PAXIP1: variants seen among roughly 807,000 people sequenced by gnomAD.
The protein encoded by PAXIP1 is PAX interacting protein 1.
PAXIP1 carries 19 observed loss-of-function variants against 140.6 expected under a neutral mutation model. The ratio of observed to expected loss-of-function variants is 0.14; its 90% CI spans 0.09 to 0.20. PAXIP1 has a LOEUF of 0.20. PAXIP1 is among the 10% of genes least tolerant of loss of function. PAXIP1 has a pLI of 1.00. For missense variants in PAXIP1, 920 were observed against 1,208.6 expected, an observed-to-expected ratio of 0.76 and a Z score of 3.54; for synonymous variants, 442 against 444.6, an observed-to-expected ratio of 0.99 and a Z score of 0.07.
chr7:154,996,287 C>G (rs1810606135), intron 2 of PAXIP1, among the ~76,000 whole-genome samples: 1 of 152,210 alleles, frequency 6.6e-6, no homozygotes, highest in Admixed American at 6.5e-5. Context: ...ACAATAGTCC[C>G]TGGACAATAC....
intron 6 of PAXIP1, 135 bp from the exon 7 acceptor site, chr7:154,969,261 C>T (rs1809184656): frequency 1.1e-6 from 1 of 915,106 alleles, no homozygotes; most frequent in South Asian, 2.5e-5. Context: ...TGATTGGAAA[C>T]TGCAAAAACA....
At chr7:154,995,060 G>A (rs916238410) in intron 2 of PAXIP1, among the ~76,000 whole-genome samples, 1 of 152,130 alleles carries the variant, frequency 6.6e-6, no homozygotes, top group Non-Finnish European at 1.5e-5. Flanking sequence ...GCAACACCCA[G>A]AAACCCCTCT....
rs1269627921 is a variant in PAXIP1, at chr7:154,986,554, T to G, written c.325-3222A>C. Among the ~76,000 whole-genome samples, 3 of 152,214 alleles carry G rather than the reference T, an allele frequency of 2.0e-5. No homozygotes were observed. The highest frequency in any genetic ancestry group is 7.2e-5 in the African/African-American group (3 of 41,450). ...AAGGATTTGTTGGACCAAAGTCCCTTAGCTGCACACTGTACATATGTTGTT... is the reference window on the plus strand; with the variant it reads ...AAGGATTTGTTGGACCAAAGTCCCTGAGCTGCACACTGTACATATGTTGTT... On this transcript the variant is annotated intron_variant, in intron 4 of 20. Transcript: ENST00000404141. The surrounding 1 kb of genome is among the most constrained non-coding windows in gnomAD (Gnocchi z 4.8).
At position 154,961,609 on chromosome 7, in the gene PAXIP1, C is replaced by A; in HGVS notation, c.2167G>T (p.Asp723Tyr). The A allele has an allele frequency of 1.2e-6, 2 of 1,603,296 alleles. No individual in the cohort carries two copies. The highest frequency in any genetic ancestry group is 1.1e-5 in the South Asian group (1 of 89,108). ...VTGFVDSDRD[D>Y]LKLMAYLAGA... Reference sequence around the variant, plus strand: ...GCCAAATAAGCCATTAATTTTAGGTCATCTCTGTCACTATCAACAAATCCA... The same window carrying A: ...GCCAAATAAGCCATTAATTTTAGGTAATCTCTGTCACTATCAACAAATCCA... The change falls in exon 11 of 21, where the codon GAC (aspartate) becomes TAC (tyrosine). Residue 723 changes from aspartate to tyrosine, a missense_variant. Coordinates refer to ENST00000404141, the MANE Select transcript of PAXIP1 (RefSeq NM_007349.4).
chr7:154,971,108 T>C (rs1399242393), intron 6 of PAXIP1, among the ~76,000 whole-genome samples: 1 of 152,188 alleles, frequency 6.6e-6, no homozygotes, highest in Admixed American at 6.5e-5. Context: ...ATTTTTCAGA[T>C]TGGCCAAGAG....
chr7:154,964,410 T>C (rs759389114), intron 8 of PAXIP1: 1 of 152,200 alleles, frequency 6.6e-6, no homozygotes, highest in Non-Finnish European at 1.5e-5. Context: ...AGGTGAAATA[T>C]AAACTTTAAA....
chr7:154,948,087 T>G, intron 16 of PAXIP1, 84 bp from the exon 17 acceptor site: 1 of 847,440 alleles, frequency 1.2e-6, no homozygotes, highest in East Asian at 2.4e-5. Context: ...TCGCCCATAT[T>G]CAGGTACATA....
intron 1 of PAXIP1, chr7:155,000,411 C>T (rs1025784871): frequency 1.3e-5 from 2 of 152,348 alleles, no homozygotes; most frequent in South Asian, 2.1e-4. Flanking sequence ...ATCCTACTCC[C>T]TTCTTCATGA....
intron 4 of PAXIP1, among the ~76,000 whole-genome samples, chr7:154,985,442 C>A: frequency 6.6e-6 from 1 of 152,142 alleles, no homozygotes; most frequent in Non-Finnish European, 1.5e-5. Flanking sequence ...CCCCCACGTG[C>A]ACCTGCCGTC....
chr7:155,003,331 C>T (rs1471440709), upstream of PAXIP1: 1 of 151,968 alleles, frequency 6.6e-6, no homozygotes, highest in Non-Finnish European at 1.5e-5. Flanking sequence ...CGAGGGGAAA[C>T]CAGCTCCCCC....
At chr7:155,003,284 C>T (rs1467959642), upstream of PAXIP1, among the ~76,000 whole-genome samples, 1 of 151,690 alleles carries the variant, frequency 6.6e-6, no homozygotes, top group African/African-American at 2.4e-5. Context: ...CCTTGCGGTT[C>T]CGTGGCCGCC....
chr7:154,985,389 T>C (rs1291655685), intron 4 of PAXIP1, among the ~76,000 whole-genome samples: 1 of 152,146 alleles, frequency 6.6e-6, no homozygotes, highest in African/African-American at 2.4e-5. Context: ...AGGCCCTTCC[T>C]GTCTGGCTGC....
chr7:154,969,418 T>C (rs1267300432), intron 6 of PAXIP1, among the ~76,000 whole-genome samples: 4 of 152,238 alleles, frequency 2.6e-5, no homozygotes, highest in Non-Finnish European at 5.9e-5. Context: ...GCTGATGTGT[T>C]TGCCAGAGCA....
rs974452975 is a variant in PAXIP1, at chr7:154,954,983, G to A, written c.2652+546C>T. Among the ~76,000 whole-genome samples the A allele has an allele frequency of 1.3e-5, 2 of 152,026 alleles. No homozygotes were observed. The highest frequency in any genetic ancestry group is 2.9e-5 in the Non-Finnish European group (2 of 68,004). On this transcript the variant is annotated intron_variant, in intron 15 of 20. Transcript: ENST00000404141. This position sits in a 1 kb window ranked among gnomAD's most constrained non-coding sequence, Gnocchi z 5.1. ...AAAGGAAACCAGGAGTAAAATGTAC[G>A]AATCCACCATAATACAGGTCAACTT...
intron 13 of PAXIP1, 136 bp from the exon 14 acceptor site, chr7:154,957,430 C>CTAG (rs1808564664): frequency 6.1e-6 from 3 of 489,490 alleles, no homozygotes; most frequent in Middle Eastern, 1.0e-3. Context: ...CACATCAGAA[C>CTAG]TAGTCTTCAC....
chr7:154,951,700 T>C (rs1808278889), intron 16 of PAXIP1: 1 of 152,188 alleles, frequency 6.6e-6, no homozygotes, highest in Non-Finnish European at 1.5e-5. Context: ...AAACTTTATA[T>C]ACAGATAAAA....
chr7:154,977,994 G>GTACATTTTCGAACAC (rs1585067731), intron 5 of PAXIP1, among the ~76,000 whole-genome samples: 17 of 128,902 alleles, frequency 1.3e-4, no homozygotes, highest in African/African-American at 6.4e-4. Flanking sequence ...GACCAAATTA[G>GTACATTTTCGAACAC]AGACTAGTGG....
At chr7:154,955,980 A>G (rs763012359) in intron 14 of PAXIP1, among the ~76,000 whole-genome samples, 9 of 152,186 alleles carry the variant, frequency 5.9e-5, no homozygotes, top group Non-Finnish European at 1.2e-4. Flanking sequence ...TGATTTTGCT[A>G]GCTCTATCAC....
At chr7:154,966,258 C>T (rs2150754917) in intron 8 of PAXIP1, among the ~76,000 whole-genome samples, 1 of 152,304 alleles carries the variant, frequency 6.6e-6, no homozygotes, top group Non-Finnish European at 1.5e-5. Context: ...CCGCGCACTG[C>T]ACTGGAGGCT....
Sources: gnomAD v4.1 joint callset for allele counts (sites outside exome capture counted in the v4.1 genomes callset) on GRCh38, gnomAD v4.1.1 for gene constraint, Gnocchi (gnomAD v3.1) non-coding constraint, MANE v1.5 for transcripts, NCBI Gene and HGNC (gene_info 2026-07-23, HGNC 2026-07-21) for gene names.